Variants in PCDHA4 observed in about 807,000 individuals in gnomAD.
The protein encoded by PCDHA4 is protocadherin alpha-4.
PCDHA4 carries 49 observed loss-of-function variants against 61.4 expected under a neutral mutation model. The observed-to-expected ratio is 0.80, with a 90% CI of 0.63 to 1.01. PCDHA4 has a LOEUF of 1.01. PCDHA4 is among the 50% of genes least tolerant of loss of function. The probability of loss-of-function intolerance (pLI) is 0.00; values close to 1 mark genes in which losing one functional copy is unlikely to be tolerated. For missense variants in PCDHA4, 1,254 were observed against 1,235.8 expected (o/e 1.01, Z -0.22); for synonymous variants, 590 against 550.3 (o/e 1.07, Z -1.01).
Position 140,857,899 on chromosome 5 carries a change from A to G in PCDHA4, c.2385+48327A>G. On this transcript the variant is annotated intron_variant, in intron 1 of 3. Transcript: ENST00000530339. ...AATTGCAGTCGGCGGCGGTTGGTGC[A>G]CGCATCCCGTTTCGCGTGGGGCTGT... 7 of 1,597,716 alleles carry G rather than the reference A, an allele frequency of 4.4e-6. 1 individual carries two copies. The highest frequency in any genetic ancestry group is 6.0e-6 in the Non-Finnish European group (7 of 1,167,490).
chr5:140,814,922 T>C (rs1554126639), intron 1 of PCDHA4: 1 of 152,220 alleles, frequency 6.6e-6, no homozygotes, highest in Non-Finnish European at 1.5e-5. Flanking sequence ...TGAATTGACC[T>C]TTTATCATTA....
chr5:140,862,833 G>A (rs868966696), intron 1 of PCDHA4: 1 of 575,582 alleles, frequency 1.7e-6, no homozygotes, highest in Non-Finnish European at 3.3e-6. Flanking sequence ...CGCGCGACGC[G>A]GGCATGCCGC....
rs1379248044 is a variant in PCDHA4, at chr5:140,809,384, G to T, written c.2197G>T (p.Ala733Ser). 7 of 1,614,062 alleles carry T rather than the reference G, an allele frequency of 4.3e-6. No homozygotes were observed. In the East Asian group the frequency reaches 1.3e-4, roughly 31 times the overall value. ...TGCGCTGCCCACCGAGGGCGCGTGC[G>T]CTCCGGGCAAGCCCACGCTGGTGTG... ...CSALPTEGAC[A>S]PGKPTLVCSS... The change falls in exon 1 of 4, where the codon GCT becomes TCT. Residue 733 changes from alanine to serine, a missense_variant. Coordinates refer to ENST00000530339, the MANE Select transcript of PCDHA4 (RefSeq NM_018907.4).
At chr5:140,843,577 A>T in intron 1 of PCDHA4, 1 of 1,595,954 alleles carries the variant, frequency 6.3e-7, no homozygotes. Context: ...CATACTCGCA[A>T]CAACAGCCGC....
chr5:140,897,161 G>C (rs1554187213), intron 1 of PCDHA4, among the ~76,000 whole-genome samples: 1 of 151,938 alleles, frequency 6.6e-6, no homozygotes, highest in African/African-American at 2.4e-5. Flanking sequence ...TTCTTCTACT[G>C]TCTATCTCCA....
intron 1 of PCDHA4, among the ~76,000 whole-genome samples, chr5:140,947,108 T>G (rs1419361342): frequency 6.6e-6 from 1 of 151,486 alleles, no homozygotes; most frequent in East Asian, 1.9e-4. Context: ...AATAGGTACG[T>G]GTCAATTAAA....
chr5:140,948,158 A>C lies in PCDHA4; in HGVS notation c.2386-30791A>C, dbSNP rs191151506. On this transcript the variant is annotated intron_variant, in intron 1 of 3. Transcript: ENST00000530339. The stretch of plus-strand genomic sequence containing the variant: ...TAATTGATTTTTGAATGTTGGAAAA[A>C]ACCTTCCATTCCTAGGGTAAATCCC... Among the ~76,000 whole-genome samples the C allele has an allele frequency of 2.8e-3, 418 of 151,676 alleles. 1 individual carries two copies. The highest frequency in any genetic ancestry group is 0.014 in the Middle Eastern group (4 of 294).
chr5:140,869,504 C>A (rs959374162), intron 1 of PCDHA4: 5 of 1,614,200 alleles, frequency 3.1e-6, no homozygotes, highest in Non-Finnish European at 4.2e-6. Flanking sequence ...CCGGTGTTCT[C>A]GCTCAGAGAA....
rs994477615 is a variant in PCDHA4 at position 140,861,542 on chromosome 5, C to T, written c.2385+51970C>T. On this transcript the variant is annotated intron_variant, in intron 1 of 3. Coordinates refer to ENST00000530339, the MANE Select transcript of PCDHA4 (RefSeq NM_018907.4). ...GGAGGATCTCGGAGTGCAGCATCCA[C>T]CTGGAAGTGATCGTGGACAAGCTGC... is the stretch of plus-strand genomic sequence containing the variant. The T allele has an allele frequency of 4.0e-5, 17 of 424,962 alleles. No homozygotes were observed. In the East Asian group the frequency reaches 1.2e-3, roughly 30 times the overall value. The allele number at this position is 424,962 out of a possible 1,614,324, so 26.3% of individuals were successfully genotyped here.
At chr5:140,925,671 A>AATAATAATAATAATAATG (rs1445697337) in intron 1 of PCDHA4, among the ~76,000 whole-genome samples, 3 of 148,150 alleles carry the variant, frequency 2.0e-5, no homozygotes, top group African/African-American at 7.5e-5. Flanking sequence ...TAATAATAAT[A>AATAATAATAATAATAATG]ATAATAAAGC....
At chr5:140,977,784 A>G (rs1284023783) in intron 1 of PCDHA4, among the ~76,000 whole-genome samples, 1 of 152,366 alleles carries the variant, frequency 6.6e-6, no homozygotes, top group East Asian at 1.9e-4. Context: ...TAAAGGAACT[A>G]TATGAATGAT....
rs1207755540 is a variant in PCDHA4 at position 140,808,799 on chromosome 5, C to A, written c.1612C>A (p.Arg538Ser). The change falls in exon 1 of 4, where the codon CGC becomes AGC. Residue 538 changes from arginine to serine, a missense_variant. Physicochemically the swap from Arg to Ser is moderately radical, Grantham distance 110. Coordinates refer to ENST00000530339, the MANE Select transcript of PCDHA4 (RefSeq NM_018907.4). ...LELLQFQVTA[R>S]DAGVPPLGSN... ...GCTGCTGCAGTTTCAGGTGACCGCT[C>A]GCGATGCCGGCGTGCCACCTCTGGG... 1 of 1,612,574 alleles carries A rather than the reference C, an allele frequency of 6.2e-7. No individual in the cohort carries two copies. The highest frequency in any genetic ancestry group is 2.2e-5 in the East Asian group (1 of 44,864).
At chr5:140,897,547 C>T (rs1276931434) in intron 1 of PCDHA4, among the ~76,000 whole-genome samples, 3 of 152,076 alleles carry the variant, frequency 2.0e-5, no homozygotes, top group Non-Finnish European at 2.9e-5. Context: ...CATAGTCTTC[C>T]ATGGTGTATA....
chr5:140,861,756 T>C (rs1158733756), intron 1 of PCDHA4: 1 of 108,868 alleles, frequency 9.2e-6, no homozygotes, highest in Non-Finnish European at 1.9e-5. Context: ...AATGATTATT[T>C]TTCCCTGGAA....
chr5:140,884,346 T>G (rs1487079029), intron 1 of PCDHA4: 1 of 1,613,896 alleles, frequency 6.2e-7, no homozygotes, highest in Non-Finnish European at 8.5e-7. Flanking sequence ...GAAGCGGCGC[T>G]GGTGGATGTC....
chr5:140,878,583 T>C (rs1355382396), intron 1 of PCDHA4, among the ~76,000 whole-genome samples: 1 of 152,236 alleles, frequency 6.6e-6, no homozygotes, highest in African/African-American at 2.4e-5. Context: ...CACTGCCCTG[T>C]GCCTATTACC....
chr5:140,899,402 G>A lies in PCDHA4; in HGVS notation c.2386-79547G>A, dbSNP rs1465071147. On this transcript the variant is annotated intron_variant, in intron 1 of 3. Transcript: ENST00000530339. ...TTTATTGAGAGTTTTTAGCATGAAG[G>A]GTTGTTGAATTTTGTCAAAGGTCTT... Among the ~76,000 whole-genome samples, 5 of 152,122 alleles carry A rather than the reference G, an allele frequency of 3.3e-5. No individual in the cohort carries two copies. The East Asian group carries it at 7.7e-4, about 24-fold the overall frequency.
chr5:140,934,612 T>G (rs2089946859), intron 1 of PCDHA4, among the ~76,000 whole-genome samples: 1 of 152,184 alleles, frequency 6.6e-6, no homozygotes, highest in South Asian at 2.1e-4. Flanking sequence ...TTGATTAGCC[T>G]GAGGTACAGT....
intron 3 of PCDHA4, among the ~76,000 whole-genome samples, chr5:141,006,730 C>A (rs1222445312): frequency 1.3e-5 from 2 of 151,754 alleles, no homozygotes; most frequent in African/African-American, 4.8e-5. Context: ...AATGACAGGT[C>A]TTGATGATGT....
Sources: allele counts gnomAD v4.1 joint callset (sites outside exome capture counted in the v4.1 genomes callset), GRCh38; gene constraint gnomAD v4.1.1; transcripts MANE v1.5; gene names NCBI Gene and HGNC (gene_info 2026-07-23, HGNC 2026-07-21).